The following QTMAN variants were observed in gnomAD, a reference collection of about 807,000 sequenced individuals.
QTMAN encodes the protein queuosine-tRNA mannosyltransferase, also known as tRNA-queuosine alpha-mannosyltransferase.
At chr2:144,023,864 G>A in the QTMAN span, among the ~76,000 whole-genome samples, 1 of 152,162 alleles carries the variant, frequency 6.6e-6, no homozygotes, top group African/African-American at 2.4e-5. Flanking sequence ...TCTTGTAACT[G>A]AAAAAGGTAA....
chr2:144,231,368 T>C, the QTMAN span, among the ~76,000 whole-genome samples: 2 of 152,150 alleles, frequency 1.3e-5, no homozygotes, highest in Admixed American at 6.5e-5. Flanking sequence ...CTTAATATAG[T>C]AAAATCCTAG....
chr2:144,265,691 T>C, the QTMAN span, among the ~76,000 whole-genome samples: 1 of 152,032 alleles, frequency 6.6e-6, no homozygotes, highest in Non-Finnish European at 1.5e-5. Flanking sequence ...CGAGACTCCG[T>C]CTCAACAAAA....
the QTMAN span, among the ~76,000 whole-genome samples, chr2:144,084,799 T>C: frequency 6.7e-6 from 1 of 149,530 alleles, no homozygotes; most frequent in Non-Finnish European, 1.5e-5. Context: ...GCTAGTTTAT[T>C]TGTGGTAAAC....
chr2:144,330,774 TTTAG>T, the QTMAN span, among the ~76,000 whole-genome samples: 1 of 152,346 alleles, frequency 6.6e-6, no homozygotes, highest in African/African-American at 2.4e-5. Flanking sequence ...TAGTTAAGTG[TTTAG>T]TTAATGAAGA....
the QTMAN span, among the ~76,000 whole-genome samples, chr2:144,169,018 TA>T: frequency 6.6e-6 from 1 of 152,184 alleles, no homozygotes; most frequent in Non-Finnish European, 1.5e-5. Flanking sequence ...CAACATAATG[TA>T]AACCTTATTT....
the QTMAN span, among the ~76,000 whole-genome samples, chr2:144,164,222 C>T: frequency 2.0e-5 from 3 of 151,966 alleles, no homozygotes; most frequent in Non-Finnish European, 2.9e-5. Context: ...CTGCACCTGG[C>T]CAAGTTTTGT....
At chr2:144,041,370 C>T in the QTMAN span, among the ~76,000 whole-genome samples, 1 of 152,108 alleles carries the variant, frequency 6.6e-6, no homozygotes, top group East Asian at 1.9e-4. Context: ...TATGAAAGCA[C>T]TGTTTAAAGG....
At chr2:144,048,230 C>G in the QTMAN span, among the ~76,000 whole-genome samples, 1 of 152,108 alleles carries the variant, frequency 6.6e-6, no homozygotes, top group Admixed American at 6.6e-5. Flanking sequence ...CATAATACAG[C>G]CAAGTGATCA....
At chr2:144,147,399 G>A in the QTMAN span, among the ~76,000 whole-genome samples, 3 of 151,658 alleles carry the variant, frequency 2.0e-5, no homozygotes, top group Admixed American at 6.6e-5. Context: ...CCACATATAA[G>A]CCTCTCTAAA....
At chr2:143,972,517 G>T in the QTMAN span, among the ~76,000 whole-genome samples, 1 of 151,804 alleles carries the variant, frequency 6.6e-6, no homozygotes, top group Non-Finnish European at 1.5e-5. Flanking sequence ...GGTTTAATCG[G>T]GTAGAGCTGT....
chr2:144,227,881 C>T, the QTMAN span, among the ~76,000 whole-genome samples: 1 of 152,158 alleles, frequency 6.6e-6, no homozygotes, highest in East Asian at 1.9e-4. Context: ...ACTCTAGGGG[C>T]TAGAAAGCGA....
the QTMAN span, among the ~76,000 whole-genome samples, chr2:144,326,251 G>A: frequency 2.0e-5 from 3 of 152,096 alleles, no homozygotes; most frequent in Non-Finnish European, 4.4e-5. Flanking sequence ...GTCCTGTCAG[G>A]TGACTGATGC....
At chr2:144,100,407 T>A in the QTMAN span, among the ~76,000 whole-genome samples, 1 of 152,234 alleles carries the variant, frequency 6.6e-6, no homozygotes, top group Non-Finnish European at 1.5e-5. Context: ...CTGTTCACAG[T>A]AAATTAAGTA....
chr2:144,136,911 C>G, the QTMAN span, among the ~76,000 whole-genome samples: 2 of 152,194 alleles, frequency 1.3e-5, no homozygotes, highest in Non-Finnish European at 2.9e-5. Flanking sequence ...TGTTGACCAC[C>G]AATCATCTTG....
chr2:144,307,648 G>C, the QTMAN span, among the ~76,000 whole-genome samples: 1 of 152,150 alleles, frequency 6.6e-6, no homozygotes. Flanking sequence ...ACATTATCAA[G>C]GTTCAATATG....
chr2:144,010,204 A>G, the QTMAN span, among the ~76,000 whole-genome samples: 1 of 152,090 alleles, frequency 6.6e-6, no homozygotes, highest in South Asian at 2.1e-4. Flanking sequence ...ATTAAAAGAG[A>G]TGGGAGATTG....
At chr2:144,188,508 CGGATGGATGGATGGAT>C in the QTMAN span, among the ~76,000 whole-genome samples, 17 of 148,744 alleles carry the variant, frequency 1.1e-4, no homozygotes, top group Admixed American at 2.7e-4. Flanking sequence ...CTTTTGCAAT[CGGATGGATGGATGGAT>C]GGATGGATGG....
the QTMAN span, among the ~76,000 whole-genome samples, chr2:144,075,764 AC>A: frequency 2.6e-5 from 4 of 152,202 alleles, no homozygotes; most frequent in South Asian, 2.1e-4. Flanking sequence ...CCAACCTCAG[AC>A]AGTACTGTTT....
At chr2:144,225,844 A>G in the QTMAN span, among the ~76,000 whole-genome samples, 1 of 152,176 alleles carries the variant, frequency 6.6e-6, no homozygotes, top group Non-Finnish European at 1.5e-5. Flanking sequence ...CTCTTATACT[A>G]TAGTTATACA....
Sources: allele counts gnomAD v4.1 joint callset (sites outside exome capture counted in the v4.1 genomes callset), GRCh38; gene constraint gnomAD v4.1.1; transcripts MANE v1.5; gene names NCBI Gene and HGNC (gene_info 2026-07-23, HGNC 2026-07-21).